The following SGCD variants were observed in gnomAD, a reference collection of about 807,000 sequenced individuals.
SGCD encodes sarcoglycan delta, also known as delta-sarcoglycan.
Under a neutral mutation model 36.6 loss-of-function variants are expected in SGCD, and 18 were observed. The observed-to-expected ratio is 0.49, with a 90% CI of 0.34 to 0.73. The LOEUF (loss-of-function observed/expected upper bound fraction) is 0.73, where lower values mean the gene tolerates loss of function less well. Among genes scored for constraint, SGCD ranks in the 30% least tolerant of loss-of-function variants. The pLI, the probability that SGCD is intolerant of heterozygous loss-of-function variation, is 0.01. For synonymous variants in SGCD, 133 were observed against 130.6 expected (o/e 1.02, Z -0.12); for missense variants, 387 against 346.7 (o/e 1.12, Z -0.92).
At chr5:155,776,182 A>G in the SGCD span, among the ~76,000 whole-genome samples, 5 of 152,110 alleles carry the variant, frequency 3.3e-5, no homozygotes, top group African/African-American at 1.2e-4. Flanking sequence ...TATTTTTCTT[A>G]ATGATAGAGA....
At chr5:156,473,218 A>G (rs1755044958) in intron 3 of SGCD, among the ~76,000 whole-genome samples, 1 of 152,202 alleles carries the variant, frequency 6.6e-6, no homozygotes, top group Non-Finnish European at 1.5e-5. Flanking sequence ...CATCCACAGG[A>G]GATAAGTTCC....
intron 3 of SGCD, among the ~76,000 whole-genome samples, chr5:156,314,519 C>A (rs1479938264): frequency 2.0e-5 from 3 of 152,024 alleles, no homozygotes; most frequent in Non-Finnish European, 4.4e-5. Flanking sequence ...ATCTTTTATT[C>A]CATCATCTAA....
chr5:155,853,737 C>T, the SGCD span, among the ~76,000 whole-genome samples: 1 of 152,140 alleles, frequency 6.6e-6, no homozygotes, highest in Non-Finnish European at 1.5e-5. Flanking sequence ...TTATAGTAAA[C>T]CATCATTTTG....
chr5:156,613,608 T>A (rs561558299), intron 6 of SGCD, among the ~76,000 whole-genome samples: 31 of 152,342 alleles, frequency 2.0e-4, no homozygotes, highest in African/African-American at 7.5e-4. Context: ...GAGCATCAGC[T>A]GTGGTCTACT....
the SGCD span, among the ~76,000 whole-genome samples, chr5:155,770,352 C>A: frequency 6.6e-6 from 1 of 151,610 alleles, no homozygotes; most frequent in African/African-American, 2.4e-5. Flanking sequence ...AAGGAGCCAG[C>A]CATAGGATGT....
chr5:155,768,914 A>G, the SGCD span, among the ~76,000 whole-genome samples: 3 of 152,166 alleles, frequency 2.0e-5, no homozygotes, highest in African/African-American at 4.8e-5. Flanking sequence ...TACTTTTGCC[A>G]TGTGCTTAAA....
chr5:156,204,201 A>G (rs1415817202), intron 3 of SGCD, among the ~76,000 whole-genome samples: 1 of 152,204 alleles, frequency 6.6e-6, no homozygotes, highest in Non-Finnish European at 1.5e-5. Flanking sequence ...CAGCTCCAGA[A>G]GAAAAACAAG....
chr5:156,451,296 C>A (rs1037954561), intron 3 of SGCD, among the ~76,000 whole-genome samples: 1 of 152,096 alleles, frequency 6.6e-6, no homozygotes, highest in Non-Finnish European at 1.5e-5. Flanking sequence ...GAGTTCATGG[C>A]TGGCTGAACA....
intron 3 of SGCD, among the ~76,000 whole-genome samples, chr5:156,143,412 G>A (rs1422968740): frequency 3.3e-5 from 5 of 152,198 alleles, no homozygotes; most frequent in Admixed American, 1.3e-4. Flanking sequence ...CCCCACTGGG[G>A]CACTGCCTAG....
chr5:156,657,007 G>A (rs1004715292), intron 7 of SGCD, among the ~76,000 whole-genome samples: 1 of 152,100 alleles, frequency 6.6e-6, no homozygotes, highest in Non-Finnish European at 1.5e-5. Flanking sequence ...GATTAGACAA[G>A]GCTTGCACAA....
intron 3 of SGCD, among the ~76,000 whole-genome samples, chr5:156,434,822 G>A (rs988634586): frequency 2.6e-5 from 4 of 152,200 alleles, no homozygotes; most frequent in African/African-American, 9.7e-5. Flanking sequence ...AGACAAAAAT[G>A]TTAATTTAAT....
the SGCD span, among the ~76,000 whole-genome samples, chr5:155,849,764 T>C: frequency 6.6e-6 from 1 of 152,188 alleles, no homozygotes; most frequent in Non-Finnish European, 1.5e-5. Flanking sequence ...CAGTACTGAA[T>C]GGTTTAGATG....
At chr5:156,434,967 T>C (rs1346863849) in intron 3 of SGCD, among the ~76,000 whole-genome samples, 1 of 152,218 alleles carries the variant, frequency 6.6e-6, no homozygotes, top group African/African-American at 2.4e-5. Context: ...TTATACTATC[T>C]CTTAGAAAAG....
intron 3 of SGCD, among the ~76,000 whole-genome samples, chr5:156,307,191 A>G (rs1402836635): frequency 6.6e-6 from 1 of 151,994 alleles, no homozygotes; most frequent in Non-Finnish European, 1.5e-5. Flanking sequence ...ATAAGTGTGC[A>G]CCAACATGCC....
intron 3 of SGCD, among the ~76,000 whole-genome samples, chr5:156,267,358 G>A (rs1328317693): frequency 6.6e-6 from 1 of 151,892 alleles, no homozygotes; most frequent in African/African-American, 2.4e-5. Flanking sequence ...TTGTTTCCTG[G>A]TTCTGAAGGT....
chr5:155,814,726 C>T, the SGCD span, among the ~76,000 whole-genome samples: 2 of 152,138 alleles, frequency 1.3e-5, no homozygotes, highest in Admixed American at 6.5e-5. Flanking sequence ...CTACTAAATA[C>T]ACAAAATAAT....
intron 3 of SGCD, among the ~76,000 whole-genome samples, chr5:156,504,390 GTGTATATATATATATATA>G (rs1283216574): frequency 8.7e-5 from 11 of 126,470 alleles, no homozygotes; most frequent in East Asian, 4.4e-4. Flanking sequence ...GGGTGTGTGT[GTGTATATATATATATATA>G]TATATATATA....
chr5:156,420,277 T>C (rs1056192857), intron 3 of SGCD, among the ~76,000 whole-genome samples: 1 of 152,132 alleles, frequency 6.6e-6, no homozygotes, highest in African/African-American at 2.4e-5. Context: ...TCCAGAGAAC[T>C]CCTAATAAGT....
At chr5:156,519,895 C>T (rs1449386798) in intron 4 of SGCD, among the ~76,000 whole-genome samples, 2 of 152,066 alleles carry the variant, frequency 1.3e-5, no homozygotes, top group Non-Finnish European at 1.5e-5. Context: ...TATAACACAT[C>T]TTCAGCCAAT....
Sources: gnomAD v4.1 joint callset for allele counts (sites outside exome capture counted in the v4.1 genomes callset) on GRCh38, gnomAD v4.1.1 for gene constraint, MANE v1.5 for transcripts, NCBI Gene and HGNC (gene_info 2026-07-23, HGNC 2026-07-21) for gene names.